The following RNFT2 variants were observed in gnomAD, a reference collection of about 807,000 sequenced individuals.
RNFT2 encodes ring finger protein, transmembrane 2, also known as E3 ubiquitin-protein ligase RNFT2.
In RNFT2, 36 loss-of-function variants were observed where a neutral mutation model predicts 53.0. The ratio of observed to expected loss-of-function variants is 0.68; its 90% CI spans 0.52 to 0.90. The LOEUF is 0.90. Among genes scored for constraint, RNFT2 ranks in the 40% least tolerant of loss-of-function variants. The pLI is 0.00. For missense variants in RNFT2, 514 were observed against 585.6 expected (o/e 0.88, Z 1.26); for synonymous variants, 260 against 253.2 (o/e 1.03, Z -0.26).
chr12:116,795,815 CTG>C (rs1157374057), intron 7 of RNFT2, among the ~76,000 whole-genome samples: 1 of 152,208 alleles, frequency 6.6e-6, no homozygotes, highest in Non-Finnish European at 1.5e-5. Context: ...GTCAACGAAA[CTG>C]GGGTCAAATC....
intron 5 of RNFT2, among the ~76,000 whole-genome samples, chr12:116,759,004 T>C (rs1366900189): frequency 1.3e-5 from 2 of 152,124 alleles, no homozygotes; most frequent in Non-Finnish European, 2.9e-5. Flanking sequence ...TATTCTTAGG[T>C]TTGGTCATTT....
rs147297000 is a variant in RNFT2 at position 116,828,380 on chromosome 12, A to G, written c.883-5412A>G. Among the ~76,000 whole-genome samples, 380 of 152,286 alleles carry G rather than the reference A, an allele frequency of 2.5e-3. 3 individuals carry two copies. Among genetic ancestry groups the G allele is most frequent in the African/African-American group, 8.5e-3 (354 of 41,566 alleles). The stretch of plus-strand genomic sequence containing the variant: ...TGCTGATGGTGCTGGTTCATGGCTC[A>G]CACTTTGGGTGGCTGGAAAGATAAC... On this transcript the variant is annotated intron_variant, in intron 7 of 10. Coordinates refer to ENST00000257575, the MANE Select transcript of RNFT2 (RefSeq NM_001382266.1).
At chr12:116,810,178 A>G (rs1036573889) in intron 7 of RNFT2, among the ~76,000 whole-genome samples, 1 of 152,160 alleles carries the variant, frequency 6.6e-6, no homozygotes, top group Non-Finnish European at 1.5e-5. Context: ...TGTTGCAGGC[A>G]AGGAAGCAGT....
At chr12:116,743,247 G>GAAAAA (rs1566066807) in intron 3 of RNFT2, among the ~76,000 whole-genome samples, 2 of 61,574 alleles carry the variant, frequency 3.2e-5, no homozygotes, top group African/African-American at 5.4e-5. Flanking sequence ...AAAAAAAACC[G>GAAAAA]GTTAAAAAAC....
chr12:116,827,124 G>A (rs1876377879), intron 7 of RNFT2, among the ~76,000 whole-genome samples: 1 of 151,660 alleles, frequency 6.6e-6, no homozygotes, highest in South Asian at 2.1e-4. Context: ...GGAGGCTGAG[G>A]CAGGAGAATC....
intron 5 of RNFT2, among the ~76,000 whole-genome samples, chr12:116,765,601 C>T (rs1432513979): frequency 2.6e-5 from 4 of 152,166 alleles, no homozygotes; most frequent in East Asian, 1.9e-4. Flanking sequence ...TCCCAGGGTA[C>T]ATAGGCAGGA....
At chr12:116,753,302 C>T (rs1872344247) in intron 4 of RNFT2, among the ~76,000 whole-genome samples, 2 of 152,018 alleles carry the variant, frequency 1.3e-5, no homozygotes, top group South Asian at 4.1e-4. Context: ...AGGCACATGC[C>T]ACCATGTGTG....
chr12:116,832,384 G>A (rs894453633), intron 7 of RNFT2, among the ~76,000 whole-genome samples: 44 of 151,830 alleles, frequency 2.9e-4, no homozygotes, highest in African/African-American at 1.0e-3. Flanking sequence ...ATGTCATCGC[G>A]AATCTCAGGC....
chr12:116,833,239 C>T (rs1876775683), intron 7 of RNFT2, among the ~76,000 whole-genome samples: 1 of 152,118 alleles, frequency 6.6e-6, no homozygotes, highest in South Asian at 2.1e-4. Flanking sequence ...CTCAACACAA[C>T]TAGGTATTCA....
chr12:116,840,627 C>A (rs917963067), intron 10 of RNFT2, among the ~76,000 whole-genome samples: 1 of 152,192 alleles, frequency 6.6e-6, no homozygotes, highest in Non-Finnish European at 1.5e-5. Context: ...GTCATCTATG[C>A]TTTGAGGGCT....
At chr12:116,835,938 C>T (rs1876937753) in intron 8 of RNFT2, 22 bp from the exon 9 acceptor site, 1 of 1,613,732 alleles carries the variant, frequency 6.2e-7, no homozygotes, top group African/African-American at 1.3e-5. Flanking sequence ...ACATTTCAGC[C>T]ACCACCCTGC....
At position 116,771,257 on chromosome 12, in the gene RNFT2, C is replaced by T. The variant is rs991681843; in HGVS notation, c.728+4343C>T. ...GGCAGATCACTTGAGCCCAGGAGTT[C>T]GAGACCATCCTGGGCAACATGGTGA... On this transcript the variant is annotated intron_variant, in intron 6 of 10. Transcript: ENST00000257575. Among the ~76,000 whole-genome samples the T allele has an allele frequency of 3.3e-5, 5 of 151,538 alleles. No homozygotes were observed. In the South Asian group the frequency reaches 6.2e-4, roughly 19 times the overall value.
intron 7 of RNFT2, among the ~76,000 whole-genome samples, chr12:116,831,815 CAA>C (rs1876666860): frequency 2.6e-5 from 4 of 151,840 alleles, no homozygotes; most frequent in African/African-American, 4.8e-5. Context: ...TCCCCCATCC[CAA>C]TCAAGATATA....
chr12:116,838,991 G>A (rs554134751), intron 10 of RNFT2, among the ~76,000 whole-genome samples: 1 of 152,336 alleles, frequency 6.6e-6, no homozygotes, highest in African/African-American at 2.4e-5. Flanking sequence ...AATGGGTCAT[G>A]CTGATTCCTA....
At chr12:116,815,648 C>T (rs75635710) in intron 7 of RNFT2, among the ~76,000 whole-genome samples, 3,089 of 152,252 alleles carry the variant, frequency 0.02, 109 homozygotes, top group African/African-American at 0.07. Flanking sequence ...CTGGGATAAT[C>T]TCCCCATCTC....
chr12:116,755,774 T>C lies in RNFT2; in HGVS notation c.627+1714T>C, dbSNP rs1295363587. ...GATGTCTACGATATCACCTTTCTTA[T>C]AGATTCACATATACATGGCCAAAGG... On this transcript the variant is annotated intron_variant, in intron 5 of 10. Coordinates refer to ENST00000257575, the MANE Select transcript of RNFT2 (RefSeq NM_001382266.1). The C allele has an allele frequency of 4.6e-6, 7 of 1,508,170 alleles. No individual in the cohort carries two copies. The African/African-American group carries it at 6.9e-5, about 15-fold the overall frequency. The allele number at this position is 1,508,170 out of a possible 1,614,324, so 93.4% of individuals were successfully genotyped here.
rs189427767 is a variant in RNFT2 at position 116,741,662 on chromosome 12, C to A, written c.83+568C>A. On this transcript the variant is annotated intron_variant, in intron 3 of 10. Transcript: ENST00000257575. The stretch of plus-strand genomic sequence containing the variant: ...TACGATCAAATTACAGGTTAGGTTT[C>A]TTTTTTGAGAGAGAGTCTTGCTCTG... 2.8e-3 allele frequency among the ~76,000 whole-genome samples: 433 copies of A among 152,252 alleles called. 1 individual carries two copies. Among genetic ancestry groups the A allele is most frequent in the South Asian group, 6.2e-3 (30 of 4,820 alleles).
intron 5 of RNFT2, among the ~76,000 whole-genome samples, chr12:116,765,136 A>G (rs1358959882): frequency 6.6e-6 from 1 of 152,180 alleles, no homozygotes; most frequent in Non-Finnish European, 1.5e-5. Context: ...GCAGCTGATT[A>G]GGAGAGAACT....
intron 10 of RNFT2, among the ~76,000 whole-genome samples, chr12:116,846,768 A>AT (rs973593915): frequency 1.3e-5 from 2 of 150,500 alleles, no homozygotes; most frequent in African/African-American, 2.4e-5. Context: ...TTTGACATCA[A>AT]TTTTTTTTTC....
Sources: gnomAD v4.1 joint callset for allele counts (sites outside exome capture counted in the v4.1 genomes callset) on GRCh38, gnomAD v4.1.1 for gene constraint, MANE v1.5 for transcripts, NCBI Gene and HGNC (gene_info 2026-07-23, HGNC 2026-07-21) for gene names.